HERC3: variants seen among roughly 807,000 people sequenced by gnomAD.
The protein encoded by HERC3 is HECT and RLD domain containing E3 ubiquitin protein ligase 3.
A neutral mutation model predicts 129.9 loss-of-function variants in HERC3; 58 were observed. The observed-to-expected ratio is 0.45, with a 90% CI of 0.36 to 0.56. The LOEUF (loss-of-function observed/expected upper bound fraction) is 0.56, where lower values mean the gene tolerates loss of function less well. Ranked by LOEUF, HERC3 falls within the 20% of genes least tolerant of loss-of-function variation. HERC3 has a pLI of 0.00. For missense variants in HERC3, 835 were observed against 1,244.2 expected, an observed-to-expected ratio of 0.67 and a Z score of 4.95; for synonymous variants, 430 against 451.0, an observed-to-expected ratio of 0.95 and a Z score of 0.59.
Position 88,707,043 on chromosome 4 carries a change from C to A in HERC3, c.*83C>A. 2 of 1,104,946 alleles carry A rather than the reference C, an allele frequency of 1.8e-6. No homozygotes were observed. Among genetic ancestry groups the A allele is most frequent in the Admixed American group, 2.0e-5 (1 of 48,916 alleles). 68.4% of individuals were successfully genotyped at this position (1,104,946 alleles called of 1,614,324 possible). A position where few individuals can be genotyped will look rare whatever the true frequency, so the allele number is the denominator to read the frequency against. ...TACAGAAAATCATGGGGAGTGATTT[C>A]TATTTTTTTATTGTCTAAGTGGGTT... On this transcript the variant is annotated 3_prime_UTR_variant, in exon 26 of 26. Coordinates refer to ENST00000402738, the MANE Select transcript of HERC3 (RefSeq NM_014606.3).
the HERC3 span, among the ~76,000 whole-genome samples, chr4:88,558,537 A>C: frequency 1.3e-5 from 2 of 152,196 alleles, no homozygotes; most frequent in South Asian, 2.1e-4. Flanking sequence ...AAAACACTAC[A>C]TACTGGGTAC....
At chr4:88,588,464 G>A (rs1234083198), upstream of HERC3, among the ~76,000 whole-genome samples, 1 of 152,198 alleles carries the variant, frequency 6.6e-6, no homozygotes. Context: ...TTTTGGACGT[G>A]GGGGACCAAG....
At chr4:88,697,836 G>T (rs962642514) in intron 23 of HERC3, 10 of 1,493,578 alleles carry the variant, frequency 6.7e-6, no homozygotes, top group Non-Finnish European at 8.9e-6. Context: ...TCTTGCGGAT[G>T]CGGCAAGTGG....
chr4:88,574,093 G>C, the HERC3 span, among the ~76,000 whole-genome samples: 1 of 152,074 alleles, frequency 6.6e-6, no homozygotes, highest in Non-Finnish European at 1.5e-5. Context: ...TCAATCTATA[G>C]CCATTTGAAA....
At chr4:88,608,498 C>T (rs1457700757) in intron 3 of HERC3, among the ~76,000 whole-genome samples, 1 of 152,120 alleles carries the variant, frequency 6.6e-6, no homozygotes, top group East Asian at 1.9e-4. Flanking sequence ...CTGTTGTTTA[C>T]TAAAATGAAA....
intron 9 of HERC3, chr4:88,657,453 T>C (rs1157093859): frequency 1.3e-5 from 2 of 152,224 alleles, no homozygotes; most frequent in Admixed American, 1.3e-4. Flanking sequence ...TGTCCTCTTC[T>C]CTGTAATTTG....
intron 3 of HERC3, among the ~76,000 whole-genome samples, chr4:88,633,174 G>A (rs944482051): frequency 6.6e-6 from 1 of 152,160 alleles, no homozygotes; most frequent in Admixed American, 6.5e-5. Context: ...GGCAGTTTTA[G>A]GTGAAGGAAA....
In HERC3 at chr4:88,697,514, C is replaced by T. The variant is rs2149340235; in HGVS notation, c.2658-6584C>T. The stretch of plus-strand genomic sequence containing the variant: ...TTCTGCAGCTTTTTGAGGGCCAGGA[C>T]TCGGCATTTCACCGAATTAGGCAGG... On this transcript the variant is annotated intron_variant, in intron 23 of 25. Transcript: ENST00000402738. 1 of 1,614,172 alleles carries T rather than the reference C, an allele frequency of 6.2e-7. No individual in the cohort carries two copies. The highest frequency in any genetic ancestry group is 8.5e-7 in the Non-Finnish European group (1 of 1,180,032).
chr4:88,642,133 AAAAAAAAAAAAAAAAAAAAGG>A (rs961000533), intron 3 of HERC3, among the ~76,000 whole-genome samples: 17 of 110,604 alleles, frequency 1.5e-4, no homozygotes, highest in African/African-American at 4.9e-4. Flanking sequence ...TCTGTCTCAA[AAAAAAAAAAAAAAAAAAAAGG>A]AAGGAAGAAA....
At chr4:88,563,531 TA>T in the HERC3 span, among the ~76,000 whole-genome samples, 3 of 152,200 alleles carry the variant, frequency 2.0e-5, no homozygotes, top group Non-Finnish European at 4.4e-5. Flanking sequence ...GGACTTCCAG[TA>T]CTATGCTGAA....
At chr4:88,566,238 G>A in the HERC3 span, among the ~76,000 whole-genome samples, 1 of 152,004 alleles carries the variant, frequency 6.6e-6, no homozygotes, top group Non-Finnish European at 1.5e-5. Context: ...TTGGTTTTCT[G>A]TTTCTGTGTT....
At chr4:88,601,631 A>T (rs1195171607) in intron 2 of HERC3, among the ~76,000 whole-genome samples, 1 of 152,242 alleles carries the variant, frequency 6.6e-6, no homozygotes, top group East Asian at 1.9e-4. Flanking sequence ...GAATGTACCA[A>T]TGAAAAGATT....
At chr4:88,639,173 A>G (rs1322745491) in intron 3 of HERC3, among the ~76,000 whole-genome samples, 1 of 152,206 alleles carries the variant, frequency 6.6e-6, no homozygotes, top group East Asian at 1.9e-4. Flanking sequence ...TGCCCAAAGT[A>G]ATTTATAGAT....
intron 9 of HERC3, chr4:88,657,317 T>G (rs1289195687): frequency 1.3e-5 from 2 of 152,228 alleles, no homozygotes; most frequent in African/African-American, 4.8e-5. Context: ...GGACCTGGCA[T>G]GAACTTGTCA....
the HERC3 span, among the ~76,000 whole-genome samples, chr4:88,548,417 G>C: frequency 6.6e-6 from 1 of 152,220 alleles, no homozygotes; most frequent in South Asian, 2.1e-4. Context: ...GTATCTCCAT[G>C]TGCTTTTGAT....
At chr4:88,538,647 T>C in the HERC3 span, among the ~76,000 whole-genome samples, 1 of 151,290 alleles carries the variant, frequency 6.6e-6, no homozygotes, top group Non-Finnish European at 1.5e-5. Context: ...GGGTTCACGC[T>C]ATTCTCCTGC....
chr4:88,591,939 G>A (rs1721734591), upstream of HERC3, among the ~76,000 whole-genome samples: 1 of 151,904 alleles, frequency 6.6e-6, no homozygotes, highest in South Asian at 2.1e-4. Context: ...GAGCGCCGGC[G>A]GCTGCCGCGT....
the HERC3 span, among the ~76,000 whole-genome samples, chr4:88,575,933 AC>A: frequency 6.6e-6 from 1 of 151,828 alleles, no homozygotes; most frequent in Non-Finnish European, 1.5e-5. Context: ...AAACATAGAT[AC>A]TCCCTCAAGG....
chr4:88,654,358 A>G (rs1729630654), intron 7 of HERC3, among the ~76,000 whole-genome samples: 1 of 64,290 alleles, frequency 1.6e-5, no homozygotes, highest in Non-Finnish European at 2.6e-5. Flanking sequence ...TCATATATAT[A>G]TATATATATA....
Sources: gnomAD v4.1 joint callset for allele counts (sites outside exome capture counted in the v4.1 genomes callset) on GRCh38, gnomAD v4.1.1 for gene constraint, MANE v1.5 for transcripts, NCBI Gene and HGNC (gene_info 2026-07-23, HGNC 2026-07-21) for gene names.